YAF2: variants seen among roughly 807,000 people sequenced by gnomAD.
YAF2 encodes YY1-associated factor 2.
A neutral mutation model predicts 20.1 loss-of-function variants in YAF2; 7 were observed. The observed-to-expected ratio is 0.35, with a 90% confidence interval of 0.20 to 0.65. The LOEUF (loss-of-function observed/expected upper bound fraction) is 0.65, where lower values mean the gene tolerates loss of function less well. Among genes scored for constraint, YAF2 ranks in the 30% least tolerant of loss-of-function variants. YAF2 has a pLI of 0.69. For synonymous variants in YAF2, 74 were observed against 76.0 expected (o/e 0.97, Z 0.14); for missense variants, 151 against 219.2 (o/e 0.69, Z 1.96).
At chr12:42,200,580 T>C (rs2066873742) in intron 2 of YAF2, among the ~76,000 whole-genome samples, 2 of 152,200 alleles carry the variant, frequency 1.3e-5, no homozygotes. Context: ...TTTTAAAAGC[T>C]ATACAGCAAT....
At chr12:42,237,385 C>G (rs2068201101) in intron 2 of YAF2, 3 of 1,257,230 alleles carry the variant, frequency 2.4e-6, no homozygotes, top group Non-Finnish European at 3.0e-6. Flanking sequence ...TCTCTCTTGG[C>G]AGCAAAAAAC....
At chr12:42,202,602 GTCATTGTATATAGTATT>G (rs2066929691) in intron 2 of YAF2, among the ~76,000 whole-genome samples, 1 of 152,186 alleles carries the variant, frequency 6.6e-6, no homozygotes, top group Admixed American at 6.5e-5. Context: ...TTTGTTCTTT[GTCATTGTATATAGTATT>G]TCAATCTAAA....
intron 2 of YAF2, chr12:42,205,834 C>T: frequency 2.8e-6 from 1 of 361,096 alleles, no homozygotes. Flanking sequence ...TAAATTTATC[C>T]CCAAGTACCA....
At chr12:42,186,064 G>A (rs537421491) in intron 2 of YAF2, among the ~76,000 whole-genome samples, 17 of 151,732 alleles carry the variant, frequency 1.1e-4, no homozygotes, top group Admixed American at 2.6e-4. Flanking sequence ...GGTGGTACAT[G>A]CCTATAATCC....
At chr12:42,175,534 C>CAA (rs71084621) in intron 2 of YAF2, among the ~76,000 whole-genome samples, 1 of 143,702 alleles carries the variant, frequency 7.0e-6, no homozygotes. Flanking sequence ...AATTATACCT[C>CAA]AAAAAAAAAA....
rs1033064661 is a variant in YAF2, at chr12:42,158,751, TTC to T, written c.*1836_*1837del. The T allele has an allele frequency of 3.3e-5, 5 of 152,214 alleles. No individual in the cohort carries two copies. Among genetic ancestry groups the T allele is most frequent in the African/African-American group, 4.8e-5 (2 of 41,464 alleles). 9.4% of individuals were successfully genotyped at this position (152,214 alleles called of 1,614,324 possible). On this transcript the variant is annotated 3_prime_UTR_variant, in exon 4 of 4. Coordinates refer to ENST00000534854, the MANE Select transcript of YAF2 (RefSeq NM_005748.6). ...TAAAATCCCATCTCCTGTCAGATTT[TTC>T]TCTCTTGCAGCTCATTTAAAATACA... is the stretch of plus-strand genomic sequence containing the variant.
intron 2 of YAF2, among the ~76,000 whole-genome samples, chr12:42,224,370 T>A (rs557772367): frequency 1.3e-5 from 2 of 151,640 alleles, no homozygotes; most frequent in African/African-American, 2.4e-5. Flanking sequence ...AGGTGAAGAA[T>A]ACAATATATT....
chr12:42,215,769 A>G (rs1042236054), intron 2 of YAF2, among the ~76,000 whole-genome samples: 17 of 151,908 alleles, frequency 1.1e-4, no homozygotes, highest in African/African-American at 3.4e-4. Context: ...TAAAAACACC[A>G]AAAAACATTA....
intron 2 of YAF2, among the ~76,000 whole-genome samples, chr12:42,207,224 C>T (rs1000932538): frequency 1.3e-5 from 2 of 152,184 alleles, no homozygotes; most frequent in African/African-American, 4.8e-5. Flanking sequence ...ACTAAATGCT[C>T]TTTATCTTGG....
chr12:42,195,543 T>C (rs1222217579), intron 2 of YAF2, among the ~76,000 whole-genome samples: 5 of 152,142 alleles, frequency 3.3e-5, no homozygotes, highest in African/African-American at 9.7e-5. Context: ...GTTGAAAGGA[T>C]GAAAACAATA....
At chr12:42,160,929 G>A (rs2136944799) in intron 3 of YAF2, 103 bp from the exon 4 acceptor site, 3 of 915,590 alleles carry the variant, frequency 3.3e-6, no homozygotes, top group Middle Eastern at 2.3e-4. Flanking sequence ...ATGAATACAT[G>A]TATTTAAGGC....
At chr12:42,204,451 A>G (rs1439366968) in intron 2 of YAF2, among the ~76,000 whole-genome samples, 1 of 152,202 alleles carries the variant, frequency 6.6e-6, no homozygotes, top group African/African-American at 2.4e-5. Context: ...ACAATATAAC[A>G]ACTATTTACA....
At chr12:42,193,940 G>A (rs186413024) in intron 2 of YAF2, among the ~76,000 whole-genome samples, 4 of 152,290 alleles carry the variant, frequency 2.6e-5, no homozygotes, top group Non-Finnish European at 4.4e-5. Context: ...GTATGTGTCT[G>A]TGTCTTCATT....
rs973889150 is a variant in YAF2 at position 42,159,149 on chromosome 12, A to C, written c.*1440T>G. 5 of 152,206 alleles carry C rather than the reference A, an allele frequency of 3.3e-5. No homozygotes were observed. The highest frequency in any genetic ancestry group is 4.8e-5 in the African/African-American group (2 of 41,472). 9.4% of individuals were successfully genotyped at this position (152,206 alleles called of 1,614,324 possible). On this transcript the variant is annotated 3_prime_UTR_variant, in exon 4 of 4. Coordinates refer to ENST00000534854, the MANE Select transcript of YAF2 (RefSeq NM_005748.6). ...TGTGCCTGTAAAAAGTACTGTAATT[A>C]AACAGAAAATTACATTACCACATGA... is the stretch of plus-strand genomic sequence containing the variant.
At chr12:42,221,776 A>T (rs1199228468) in intron 2 of YAF2, among the ~76,000 whole-genome samples, 1 of 152,152 alleles carries the variant, frequency 6.6e-6, no homozygotes, top group Non-Finnish European at 1.5e-5. Flanking sequence ...GAATCCTCCA[A>T]ACTTAGCTGA....
chr12:42,236,488 A>G (rs978749409), intron 2 of YAF2, among the ~76,000 whole-genome samples: 3 of 152,244 alleles, frequency 2.0e-5, no homozygotes, highest in Non-Finnish European at 2.9e-5. Context: ...AAAACCAGCG[A>G]GCTTCACTGA....
chr12:42,190,285 A>G (rs528245477), intron 2 of YAF2, among the ~76,000 whole-genome samples: 2 of 152,308 alleles, frequency 1.3e-5, no homozygotes, highest in South Asian at 2.1e-4. Flanking sequence ...CAGAAGGTGC[A>G]GTGAGCTGTG....
chr12:42,236,057 T>G, intron 2 of YAF2: 1 of 1,522,188 alleles, frequency 6.6e-7, no homozygotes, highest in East Asian at 2.5e-5. Flanking sequence ...TACAAGAAAA[T>G]AGAGAGGGAA....
At chr12:42,188,031 G>A (rs1367925024) in intron 2 of YAF2, among the ~76,000 whole-genome samples, 1 of 152,148 alleles carries the variant, frequency 6.6e-6, no homozygotes, top group East Asian at 1.9e-4. Flanking sequence ...TATCTTAGTT[G>A]CACCCTCAGG....
Sources: gnomAD v4.1 joint callset for allele counts (sites outside exome capture counted in the v4.1 genomes callset) on GRCh38, gnomAD v4.1.1 for gene constraint, MANE v1.5 for transcripts, NCBI Gene and HGNC (gene_info 2026-07-23, HGNC 2026-07-21) for gene names.